FBXO21: variants seen among roughly 807,000 people sequenced by gnomAD.
The protein encoded by FBXO21 is F-box only protein 21.
In FBXO21, 32 loss-of-function variants were observed where a neutral mutation model predicts 76.6. The ratio of observed to expected loss-of-function variants is 0.42; its 90% CI spans 0.32 to 0.56. FBXO21 has a LOEUF of 0.56. Among genes scored for constraint, FBXO21 ranks in the 20% least tolerant of loss-of-function variants. The pLI, the probability that FBXO21 is intolerant of heterozygous loss-of-function variation, is 0.16. For missense variants in FBXO21, 586 were observed against 797.3 expected (o/e 0.73, Z 3.19); for synonymous variants, 328 against 311.5 (o/e 1.05, Z -0.56).
chr12:117,188,482 T>C (rs1468998607), intron 2 of FBXO21, among the ~76,000 whole-genome samples: 5 of 151,608 alleles, frequency 3.3e-5, no homozygotes, highest in Non-Finnish European at 5.9e-5. Context: ...GAGTAGGAGG[T>C]TGCAGTGAGC....
In FBXO21 at chr12:117,177,544, C is replaced by T; in HGVS notation, c.568G>A (p.Asp190Asn). 6.2e-7 allele frequency: 1 copy of T among 1,613,706 alleles called. No homozygotes were observed. Among genetic ancestry groups the T allele is most frequent in the Non-Finnish European group, 8.5e-7 (1 of 1,179,760 alleles). The change falls in exon 4 of 12, where the codon GAT becomes AAT. Residue 190 changes from aspartate (D) to asparagine (N), a missense_variant. Physicochemically the swap from Asp to Asn is conservative, Grantham distance 23. This residue lies in a region of FBXO21 where 246 missense variants were observed against 356.8 expected (regional missense o/e 0.69). Transcript: ENST00000622495. ...CCTTCAAGATACGACTCATAGTCAT[C>T]TGGCTGCTGAAGAAAGGCCTTAAGA... ...NNLKAFLQQPDDYESYLEGAV... is the reference protein window; with the variant it reads ...NNLKAFLQQPNDYESYLEGAV...
intron 11 of FBXO21, among the ~76,000 whole-genome samples, chr12:117,149,640 G>A (rs879462245): frequency 3.3e-5 from 5 of 152,184 alleles, no homozygotes; most frequent in East Asian, 1.9e-4. Flanking sequence ...CGCACAGGAC[G>A]GCCCCCCACA....
chr12:117,164,378 G>C, intron 9 of FBXO21, among the ~76,000 whole-genome samples: 1 of 150,902 alleles, frequency 6.6e-6, no homozygotes, highest in South Asian at 2.1e-4. Flanking sequence ...CTGGGTTCAA[G>C]CAATTCTCTT....
intron 9 of FBXO21, among the ~76,000 whole-genome samples, chr12:117,160,423 G>A (rs1955964188): frequency 6.6e-6 from 1 of 152,062 alleles, no homozygotes; most frequent in Non-Finnish European, 1.5e-5. Context: ...TGCTGATGCT[G>A]GGAGCTCCTG....
intron 9 of FBXO21, 33 bp from the exon 10 acceptor site, chr12:117,158,096 T>C: frequency 6.2e-7 from 1 of 1,612,474 alleles, no homozygotes; most frequent in African/African-American, 1.3e-5. Context: ...TAAAAGATAA[T>C]ATTTTCAGCT....
intron 2 of FBXO21, among the ~76,000 whole-genome samples, chr12:117,187,544 G>A (rs1315167052): frequency 6.6e-6 from 1 of 151,834 alleles, no homozygotes; most frequent in African/African-American, 2.4e-5. Context: ...GAGAACACAG[G>A]AACGCCAAGA....
chr12:117,179,285 G>T (rs530688863), intron 3 of FBXO21, among the ~76,000 whole-genome samples: 4 of 152,156 alleles, frequency 2.6e-5, no homozygotes, highest in African/African-American at 9.7e-5. Context: ...CTTTGCAAAC[G>T]GCCAAGAAGC....
intron 2 of FBXO21, 37 bp from the exon 3 acceptor site, chr12:117,186,608 G>T: frequency 7.7e-7 from 1 of 1,299,818 alleles, no homozygotes. Flanking sequence ...CCTCAATTAT[G>T]AGTATTGATG....
Position 117,187,420 on chromosome 12 carries a change from C to CAAA in FBXO21, c.376-852_376-850dup, listed in dbSNP as rs921514232. Among the ~76,000 whole-genome samples, 43 of 59,688 alleles carry CAAA rather than the reference C, an allele frequency of 7.2e-4. 1 individual carries two copies. The highest frequency in any genetic ancestry group is 1.6e-3 in the Admixed American group (8 of 5,158). The allele number at this position is 59,688 out of a possible 152,430, so 39.2% of individuals were successfully genotyped here. On this transcript the variant is annotated intron_variant, in intron 2 of 11. Transcript: ENST00000622495. The stretch of plus-strand genomic sequence containing the variant: ...GGGCAACAAGAGTGAAACTCTGTCT[C>CAAA]AAAAAAAAAAAAAAAAAAAAAAAAA...
rs1565996850 is a variant in FBXO21, at chr12:117,155,781, C to CGCCGCTTACCTTGG, written c.1671_1675+9dup. 1 of 1,609,712 alleles carries CGCCGCTTACCTTGG rather than the reference C, an allele frequency of 6.2e-7. No individual in the cohort carries two copies. Among genetic ancestry groups the CGCCGCTTACCTTGG allele is most frequent in the Admixed American group, 1.7e-5 (1 of 59,374 alleles). ...CGGGGCCACTGGCACAAGCGGAACC[C>CGCCGCTTACCTTGG]GCCGCTTACCTTGGGCTGCGTATCG... On this transcript the variant is annotated intron_variant, in intron 11 of 11. Coordinates refer to ENST00000622495, the MANE Select transcript of FBXO21 (RefSeq NM_015002.3).
At chr12:117,181,871 G>A (rs1057137623) in intron 3 of FBXO21, among the ~76,000 whole-genome samples, 4 of 152,018 alleles carry the variant, frequency 2.6e-5, no homozygotes, top group East Asian at 3.9e-4. Context: ...GGCTGGTCTC[G>A]AACTCCTGAC....
rs1393888151 is a variant in FBXO21, at chr12:117,174,765, G to C, written c.625C>G (p.Leu209Val). 1 of 1,614,166 alleles carries C rather than the reference G, an allele frequency of 6.2e-7. No homozygotes were observed. The highest frequency in any genetic ancestry group is 8.5e-7 in the Non-Finnish European group (1 of 1,180,016). The change falls in exon 5 of 12, where the codon CTC becomes GTC. Residue 209 changes from leucine to valine, a missense_variant. Around this residue, in one of 6 missense-constraint regions of FBXO21, gnomAD observed 246 missense variants for 356.8 expected, o/e 0.69. Transcript: ENST00000622495. Reference protein sequence around the residue: ...AVYIDQYCNPLSDISLKDIQA... With the variant: ...AVYIDQYCNPVSDISLKDIQA... ...ATGTCTTTGAGGCTGATGTCGGAGA[G>C]AGGATTGCAGTACTGGTCAATATAT...
At chr12:117,170,402 T>C (rs757979638) in intron 7 of FBXO21, among the ~76,000 whole-genome samples, 14 of 152,214 alleles carry the variant, frequency 9.2e-5, no homozygotes, top group Non-Finnish European at 1.8e-4. Context: ...TCTAAATCTA[T>C]ACGGAGAGCA....
intron 9 of FBXO21, among the ~76,000 whole-genome samples, chr12:117,162,649 C>G (rs1170241824): frequency 6.6e-6 from 1 of 152,172 alleles, no homozygotes; most frequent in Non-Finnish European, 1.5e-5. Context: ...TTAATTCAAT[C>G]AATAACAAGA....
chr12:117,179,241 T>C (rs910339412), intron 3 of FBXO21, among the ~76,000 whole-genome samples: 1 of 152,214 alleles, frequency 6.6e-6, no homozygotes, highest in Non-Finnish European at 1.5e-5. Flanking sequence ...ACAAGGCACA[T>C]TCCTGGATCT....
intron 2 of FBXO21, 125 bp from the exon 3 acceptor site, chr12:117,186,696 A>G (rs1472718127): frequency 3.4e-6 from 2 of 595,978 alleles, no homozygotes; most frequent in East Asian, 5.6e-5. Flanking sequence ...ATTCTACACT[A>G]CCTTGCACTA....
Position 117,157,866 on chromosome 12 carries a change from C to G in FBXO21, c.1517+7G>C, listed in dbSNP as rs1219271013. On this transcript the variant is annotated splice_region_variant and intron_variant, in intron 10 of 11. Coordinates refer to ENST00000622495, the MANE Select transcript of FBXO21 (RefSeq NM_015002.3). The stretch of plus-strand genomic sequence containing the variant: ...ACACTGCAGGACAGATGATCCCGGG[C>G]ACTCACCTCTTATGCTTCATAATGA... The G allele has an allele frequency of 6.3e-7, 1 of 1,590,878 alleles. No individual in the cohort carries two copies. Among genetic ancestry groups the G allele is most frequent in the South Asian group, 1.1e-5 (1 of 88,040 alleles).
At chr12:117,151,964 G>T (rs377114186) in intron 11 of FBXO21, among the ~76,000 whole-genome samples, 1 of 152,010 alleles carries the variant, frequency 6.6e-6, no homozygotes, top group African/African-American at 2.4e-5. Flanking sequence ...AATTGAAATA[G>T]TGAGTCACTA....
rs1373117300 is a variant in FBXO21, at chr12:117,142,939, A to T, written c.*3148T>A. On this transcript the variant is annotated 3_prime_UTR_variant, in exon 12 of 12. Transcript: ENST00000622495. ...TTTAAGTAGATAGTATGCAATGGAAAACTGAGCCGGCAACAGTACTTAATG... is the reference window on the plus strand; with the variant it reads ...TTTAAGTAGATAGTATGCAATGGAATACTGAGCCGGCAACAGTACTTAATG... 1 of 152,174 alleles carries T rather than the reference A, an allele frequency of 6.6e-6. No individual in the cohort carries two copies. Among genetic ancestry groups the T allele is most frequent in the Non-Finnish European group, 1.5e-5 (1 of 68,048 alleles). 9.4% of individuals were successfully genotyped at this position (152,174 alleles called of 1,614,324 possible). A position where few individuals can be genotyped will look rare whatever the true frequency, so the allele number is the denominator to read the frequency against.
Sources: gnomAD v4.1 joint callset for allele counts (sites outside exome capture counted in the v4.1 genomes callset) on GRCh38, gnomAD v4.1.1 for gene constraint, gnomAD v4.1.1 regional missense constraint, MANE v1.5 for transcripts, NCBI Gene and HGNC (gene_info 2026-07-23, HGNC 2026-07-21) for gene names.